Variants in CNTN5 observed in about 807,000 individuals in gnomAD.
CNTN5 encodes the protein contactin-5.
Under a neutral mutation model 129.1 loss-of-function variants are expected in CNTN5, and 77 were observed. The ratio of observed to expected loss-of-function variants is 0.60; its 90% confidence interval spans 0.50 to 0.72. The LOEUF is 0.72. Among genes scored for constraint, CNTN5 ranks in the 30% least tolerant of loss-of-function variants. The probability of loss-of-function intolerance (pLI) is 0.00; values close to 1 mark genes in which losing one functional copy is unlikely to be tolerated. For synonymous variants in CNTN5, 509 were observed against 465.6 expected (o/e 1.09, Z -1.20); for missense variants, 1,478 against 1,328.8 (o/e 1.11, Z -1.75).
chr11:99,945,789 T>A (rs1238449583), intron 7 of CNTN5, among the ~76,000 whole-genome samples: 1 of 152,038 alleles, frequency 6.6e-6, no homozygotes, highest in South Asian at 2.1e-4. Context: ...TACACGCTCA[T>A]CGAGTTGAGC....
chr11:99,968,656 C>CTTTTTTTTTTT (rs71050037), intron 8 of CNTN5, among the ~76,000 whole-genome samples: 4 of 73,906 alleles, frequency 5.4e-5, no homozygotes, highest in Non-Finnish European at 9.9e-5. Context: ...GCTTTGGGTA[C>CTTTTTTTTTTT]TTTTTTTTTT....
intron 6 of CNTN5, among the ~76,000 whole-genome samples, chr11:99,851,232 G>T (rs920715013): frequency 6.6e-6 from 1 of 152,118 alleles, no homozygotes; most frequent in Non-Finnish European, 1.5e-5. Flanking sequence ...CCTCACAAGG[G>T]TGTAGTAAAA....
At chr11:99,283,389 C>T (rs564111661) in intron 1 of CNTN5, among the ~76,000 whole-genome samples, 33 of 151,862 alleles carry the variant, frequency 2.2e-4, no homozygotes, top group African/African-American at 7.9e-4. Context: ...CTCACACACA[C>T]ATGCACATGT....
intron 2 of CNTN5, among the ~76,000 whole-genome samples, chr11:99,541,668 GC>G (rs1211121691): frequency 6.6e-6 from 1 of 152,152 alleles, no homozygotes; most frequent in Non-Finnish European, 1.5e-5. Context: ...TTTGGGCTCA[GC>G]CAGGTGCAGT....
chr11:99,989,722 T>TA (rs1484167585), intron 8 of CNTN5, among the ~76,000 whole-genome samples: 2 of 152,178 alleles, frequency 1.3e-5, no homozygotes, highest in East Asian at 1.9e-4. Flanking sequence ...TCACTTAAAG[T>TA]AAATATTTAA....
intron 13 of CNTN5, among the ~76,000 whole-genome samples, chr11:100,089,623 T>C (rs547507299): frequency 1.3e-5 from 2 of 152,248 alleles, no homozygotes; most frequent in African/African-American, 2.4e-5. Flanking sequence ...CTATTCACAA[T>C]AGCAAATACA....
chr11:99,783,136 A>AACCC (rs1555109820), intron 3 of CNTN5, among the ~76,000 whole-genome samples: 1 of 77,630 alleles, frequency 1.3e-5, no homozygotes, highest in Non-Finnish European at 2.6e-5. Flanking sequence ...AGAAAAAAAC[A>AACCC]ACCCCATCAA....
intron 2 of CNTN5, among the ~76,000 whole-genome samples, chr11:99,487,839 A>C (rs531876802): frequency 6.6e-6 from 1 of 152,344 alleles, no homozygotes; most frequent in Middle Eastern, 3.4e-3. Context: ...GTTAAGAATA[A>C]GTTCTCTCCC....
At chr11:100,208,344 A>G (rs2138577738) in intron 15 of CNTN5, among the ~76,000 whole-genome samples, 2 of 152,198 alleles carry the variant, frequency 1.3e-5, no homozygotes, top group Middle Eastern at 3.4e-3. Flanking sequence ...TCAGCTGCCT[A>G]TCAACTTCAA....
At chr11:100,163,820 A>G (rs1947534666) in intron 13 of CNTN5, among the ~76,000 whole-genome samples, 1 of 151,930 alleles carries the variant, frequency 6.6e-6, no homozygotes, top group Non-Finnish European at 1.5e-5. Flanking sequence ...TTTCTGAGTG[A>G]AAACAATCAA....
intron 1 of CNTN5, among the ~76,000 whole-genome samples, chr11:99,222,871 C>G (rs557908792): frequency 9.2e-5 from 14 of 152,122 alleles, no homozygotes; most frequent in Admixed American, 9.2e-4. Flanking sequence ...TTCTTTAATA[C>G]TAGGCACCAA....
chr11:99,931,774 C>G (rs555390220), intron 7 of CNTN5, among the ~76,000 whole-genome samples: 15 of 152,122 alleles, frequency 9.9e-5, no homozygotes, highest in Admixed American at 7.2e-4. Flanking sequence ...AGTGCTTGCT[C>G]TAAAACTGAA....
intron 7 of CNTN5, among the ~76,000 whole-genome samples, chr11:99,932,500 A>T (rs1950215783): frequency 6.6e-6 from 1 of 152,140 alleles, no homozygotes; most frequent in Admixed American, 6.6e-5. Context: ...GTCAACTTGT[A>T]TCATTTTTTA....
At chr11:99,281,039 A>C (rs2135888264) in intron 1 of CNTN5, among the ~76,000 whole-genome samples, 1 of 152,014 alleles carries the variant, frequency 6.6e-6, no homozygotes, top group East Asian at 1.9e-4. Context: ...CAATAGATTA[A>C]CAACCAAGGA....
At chr11:99,681,425 G>C (rs532288450) in intron 3 of CNTN5, among the ~76,000 whole-genome samples, 1 of 152,170 alleles carries the variant, frequency 6.6e-6, no homozygotes, top group South Asian at 2.1e-4. Context: ...GCGTTGTTCA[G>C]CAACCGTGAA....
At chr11:99,214,342 A>C (rs768799135) in intron 1 of CNTN5, among the ~76,000 whole-genome samples, 53 of 148,490 alleles carry the variant, frequency 3.6e-4, no homozygotes, top group Non-Finnish European at 6.2e-4. Context: ...GTCTGTGCAA[A>C]GCAATTTCAG....
At chr11:99,501,413 T>A (rs114035554) in intron 2 of CNTN5, among the ~76,000 whole-genome samples, 71 of 152,344 alleles carry the variant, frequency 4.7e-4, no homozygotes, top group African/African-American at 1.7e-3. Context: ...TAACTAACAT[T>A]TAGTTTAAAG....
intron 2 of CNTN5, among the ~76,000 whole-genome samples, chr11:99,438,485 C>T (rs946655477): frequency 2.6e-5 from 4 of 152,196 alleles, no homozygotes; most frequent in African/African-American, 9.6e-5. Flanking sequence ...AAATATCTTT[C>T]TGCCTTCTTT....
At chr11:99,725,102 G>A (rs996915031) in intron 3 of CNTN5, among the ~76,000 whole-genome samples, 1 of 152,146 alleles carries the variant, frequency 6.6e-6, no homozygotes, top group African/African-American at 2.4e-5. Flanking sequence ...TTCTAGTTGT[G>A]TAATTATCTG....
Sources: allele counts gnomAD v4.1 joint callset (sites outside exome capture counted in the v4.1 genomes callset), GRCh38; gene constraint gnomAD v4.1.1; transcripts MANE v1.5; gene names NCBI Gene and HGNC (gene_info 2026-07-23, HGNC 2026-07-21).